The following ATP8A2 variants were observed in gnomAD, a reference collection of about 807,000 sequenced individuals.
The protein encoded by ATP8A2 is ATPase phospholipid transporting 8A2.
A neutral mutation model predicts 165.6 loss-of-function variants in ATP8A2; 100 were observed. The ratio of observed to expected loss-of-function variants is 0.60; its 90% CI spans 0.51 to 0.71. The LOEUF is 0.71. Ranked by LOEUF, ATP8A2 falls within the 30% of genes least tolerant of loss-of-function variation. The pLI, the probability that ATP8A2 is intolerant of heterozygous loss-of-function variation, is 0.00. For synonymous variants in ATP8A2, 543 were observed against 548.8 expected (o/e 0.99, Z 0.15); for missense variants, 1,227 against 1,479.5 (o/e 0.83, Z 2.80).
chr13:25,867,292 C>T (rs189408010), intron 33 of ATP8A2, among the ~76,000 whole-genome samples: 7 of 152,270 alleles, frequency 4.6e-5, no homozygotes, highest in Admixed American at 4.6e-4. Flanking sequence ...ATTAATTCCT[C>T]ATCTTCTCCA....
chr13:25,986,873 T>C lies in ATP8A2; in HGVS notation c.3377+18194T>C, dbSNP rs539465037. 3.7e-4 allele frequency among the ~76,000 whole-genome samples: 56 copies of C among 152,296 alleles called. No homozygotes were observed. The South Asian group carries it at 0.011, about 31-fold the overall frequency. ...CATTCTTTACCTTAGAAAAATAACA[T>C]TGCTTCCCAGAGGCAGAAGTGCACC... is the stretch of plus-strand genomic sequence containing the variant. On this transcript the variant is annotated intron_variant, in intron 35 of 36. Coordinates refer to ENST00000381655, the MANE Select transcript of ATP8A2 (RefSeq NM_016529.6).
Position 25,464,899 on chromosome 13 carries a change from A to G in ATP8A2, c.77-4078A>G, listed in dbSNP as rs79404110. ...CCAGGGATAGAGCTATGAATGAGACAAAGTCTCTGCCCTCACGGCCTTGAC... is the reference window on the plus strand; with the variant it reads ...CCAGGGATAGAGCTATGAATGAGACGAAGTCTCTGCCCTCACGGCCTTGAC... On this transcript the variant is annotated intron_variant, in intron 1 of 36. Coordinates refer to ENST00000381655, the MANE Select transcript of ATP8A2 (RefSeq NM_016529.6). 1.2e-3 allele frequency among the ~76,000 whole-genome samples: 181 copies of G among 152,334 alleles called. 6 individuals are homozygous for G. In the East Asian group the frequency reaches 0.031, roughly 26 times the overall value.
intron 33 of ATP8A2, among the ~76,000 whole-genome samples, chr13:25,948,054 T>G (rs576090972): frequency 1.3e-5 from 2 of 152,284 alleles, no homozygotes; most frequent in African/African-American, 4.8e-5. Flanking sequence ...AGACTTAGAC[T>G]TAGCTTTCTC....
chr13:25,829,488 G>A (rs1951400555), intron 28 of ATP8A2, among the ~76,000 whole-genome samples: 1 of 151,448 alleles, frequency 6.6e-6, no homozygotes, highest in Non-Finnish European at 1.5e-5. Flanking sequence ...ATTTTAAGTA[G>A]GTTAAAGCTA....
chr13:25,787,656 G>A (rs1324262182), intron 27 of ATP8A2, among the ~76,000 whole-genome samples: 1 of 152,206 alleles, frequency 6.6e-6, no homozygotes, highest in Admixed American at 6.5e-5. Context: ...GTTACATGTG[G>A]GAAAAGTCAA....
intron 10 of ATP8A2, among the ~76,000 whole-genome samples, chr13:25,545,013 G>T (rs747074640): frequency 6.6e-6 from 1 of 150,984 alleles, no homozygotes; most frequent in Non-Finnish European, 1.5e-5. Flanking sequence ...AGAGGCCAAA[G>T]GATGCAGATG....
chr13:25,923,512 G>A (rs1954519512), intron 33 of ATP8A2, among the ~76,000 whole-genome samples: 1 of 152,072 alleles, frequency 6.6e-6, no homozygotes, highest in Non-Finnish European at 1.5e-5. Context: ...ATGTCCAGCA[G>A]GCCAACATTT....
At chr13:25,387,784 C>G (rs2033109381) in intron 1 of ATP8A2, among the ~76,000 whole-genome samples, 1 of 152,140 alleles carries the variant, frequency 6.6e-6, no homozygotes, top group Admixed American at 6.5e-5. Context: ...CTTTACTAGG[C>G]CTGGCGTGGT....
chr13:25,499,478 G>C (rs1378894925), intron 2 of ATP8A2, among the ~76,000 whole-genome samples: 1 of 152,164 alleles, frequency 6.6e-6, no homozygotes, highest in Non-Finnish European at 1.5e-5. Context: ...CTATTGCCTA[G>C]CTATGTGAGC....
At chr13:25,837,086 A>C in intron 28 of ATP8A2, 77 bp from the exon 29 acceptor site, 7 of 1,551,976 alleles carry the variant, frequency 4.5e-6, no homozygotes, top group Non-Finnish European at 3.5e-6. Context: ...AAGTGAAGTC[A>C]TCATTTGGTA....
At chr13:25,924,642 T>TG (rs75949943) in intron 33 of ATP8A2, among the ~76,000 whole-genome samples, 128,204 of 151,828 alleles carry the variant, frequency 0.84, 54,311 homozygotes, top group East Asian at 0.99. Flanking sequence ...AACATTTGAT[T>TG]GGGGGGGAAT....
chr13:25,603,884 G>T (rs1379086425), intron 24 of ATP8A2, among the ~76,000 whole-genome samples: 1 of 152,136 alleles, frequency 6.6e-6, no homozygotes, highest in Non-Finnish European at 1.5e-5. Flanking sequence ...CCTTAGGGCA[G>T]TTGAATATGT....
chr13:25,721,834 C>T (rs3132358), intron 25 of ATP8A2, among the ~76,000 whole-genome samples: 33,793 of 152,202 alleles, frequency 0.22, 5,684 homozygotes, highest in African/African-American at 0.48. Context: ...TTTGTTTATC[C>T]ATTCATCAGT....
intron 22 of ATP8A2, 151 bp downstream of exon 22, chr13:25,580,098 T>G: frequency 1.1e-6 from 1 of 936,584 alleles, no homozygotes; most frequent in Non-Finnish European, 1.5e-6. Flanking sequence ...TTTCTTTGCT[T>G]TAAGAAGCAC....
chr13:25,833,419 A>T (rs1249427802), intron 28 of ATP8A2, among the ~76,000 whole-genome samples: 1 of 152,182 alleles, frequency 6.6e-6, no homozygotes, highest in Non-Finnish European at 1.5e-5. Context: ...GCATGCTCAA[A>T]AAAAGAACAT....
chr13:25,798,436 T>TCTGTGGTCATGCA (rs1310935567), intron 27 of ATP8A2, among the ~76,000 whole-genome samples: 1 of 152,162 alleles, frequency 6.6e-6, no homozygotes, highest in Non-Finnish European at 1.5e-5. Flanking sequence ...CACACAACTG[T>TCTGTGGTCATGCA]CTGTGGTCAT....
intron 1 of ATP8A2, among the ~76,000 whole-genome samples, chr13:25,459,196 C>T (rs141419469): frequency 1.3e-5 from 2 of 152,296 alleles, no homozygotes; most frequent in Non-Finnish European, 2.9e-5. Context: ...CTAAAGCATC[C>T]TTATTCAAGG....
intron 30 of ATP8A2, among the ~76,000 whole-genome samples, chr13:25,859,794 A>G (rs1220669255): frequency 3.3e-5 from 5 of 152,312 alleles, no homozygotes; most frequent in South Asian, 4.1e-4. Context: ...CATAATTCCA[A>G]TTTAGCAAAA....
chr13:25,560,868 C>T (rs1267332324), intron 15 of ATP8A2, among the ~76,000 whole-genome samples: 3 of 150,006 alleles, frequency 2.0e-5, no homozygotes, highest in South Asian at 2.1e-4. Context: ...CATGAAGCTT[C>T]GGGCAGGTTT....
Sources: gnomAD v4.1 joint callset for allele counts (sites outside exome capture counted in the v4.1 genomes callset) on GRCh38, gnomAD v4.1.1 for gene constraint, MANE v1.5 for transcripts, NCBI Gene and HGNC (gene_info 2026-07-23, HGNC 2026-07-21) for gene names.